The following CCDC181 variants were observed in gnomAD, a reference collection of about 807,000 sequenced individuals.
CCDC181 encodes the protein coiled-coil domain containing 181.
Under a neutral mutation model 58.7 loss-of-function variants are expected in CCDC181, and 35 were observed. The ratio of observed to expected loss-of-function variants is 0.60; its 90% CI spans 0.46 to 0.79. The LOEUF is 0.79. Among genes scored for constraint, CCDC181 ranks in the 30% least tolerant of loss-of-function variants. CCDC181 has a pLI of 0.00. For missense variants in CCDC181, 517 were observed against 583.9 expected (o/e 0.89, Z 1.18); for synonymous variants, 183 against 197.5 (o/e 0.93, Z 0.62).
chr1:169,456,757 C>T (rs1033975007), intron 2 of CCDC181, among the ~76,000 whole-genome samples: 1 of 152,096 alleles, frequency 6.6e-6, no homozygotes, highest in African/African-American at 2.4e-5. Flanking sequence ...GACTTCCCAG[C>T]CTCCAGAATG....
chr1:169,397,255 C>A lies in CCDC181; in HGVS notation c.1352G>T (p.Arg451Leu). 1.9e-6 allele frequency: 3 copies of A among 1,601,754 alleles called. No homozygotes were observed. The highest frequency in any genetic ancestry group is 2.6e-6 in the Non-Finnish European group (3 of 1,175,078). ...CLFFLKGTEG[R>L]ERAFKQWLRR... ...AACTTACTGTTTAAAGGCCCTTTCCCGGCCTTCTGTTCCTTTAAGGAAGAA... is the reference window on the plus strand; with the variant it reads ...AACTTACTGTTTAAAGGCCCTTTCCAGGCCTTCTGTTCCTTTAAGGAAGAA... The change falls in exon 5 of 6, where the codon CGG becomes CTG. Residue 451 changes from arginine to leucine, a missense_variant. Transcript: ENST00000367806.
At chr1:169,416,395 G>T (rs1656216745) in intron 4 of CCDC181, among the ~76,000 whole-genome samples, 1 of 152,208 alleles carries the variant, frequency 6.6e-6, no homozygotes, top group African/African-American at 2.4e-5. Flanking sequence ...TCCGATAGGA[G>T]CCTCTGAGCC....
chr1:169,459,667 T>A (rs1030655232), intron 2 of CCDC181: 1 of 152,134 alleles, frequency 6.6e-6, no homozygotes, highest in Non-Finnish European at 1.5e-5. Context: ...TATTGTTGGT[T>A]ACTTGGATAA....
At chr1:169,427,028 G>T (rs1317460822) in intron 1 of CCDC181, among the ~76,000 whole-genome samples, 1 of 152,070 alleles carries the variant, frequency 6.6e-6, no homozygotes, top group Non-Finnish European at 1.5e-5. Flanking sequence ...AGAGGGGAAA[G>T]AATATGACAA....
chr1:169,394,995 C>T lies in CCDC181; in HGVS notation c.*52G>A. 1 of 1,481,674 alleles carries T rather than the reference C, an allele frequency of 6.7e-7. No individual in the cohort carries two copies. Among genetic ancestry groups the T allele is most frequent in the Non-Finnish European group, 9.1e-7 (1 of 1,097,828 alleles). 91.8% of individuals were successfully genotyped at this position (1,481,674 alleles called of 1,614,324 possible). On this transcript the variant is annotated 3_prime_UTR_variant, in exon 6 of 6. Coordinates refer to ENST00000367806, the MANE Select transcript of CCDC181 (RefSeq NM_001300969.2). ...CCAAAGTACACAGACCCTAAGAAATCATATCCAAAATTTTGATAGCAGCTG... is the reference window on the plus strand; with the variant it reads ...CCAAAGTACACAGACCCTAAGAAATTATATCCAAAATTTTGATAGCAGCTG...
intron 2 of CCDC181, among the ~76,000 whole-genome samples, chr1:169,432,490 CA>C (rs1222450217): frequency 6.6e-6 from 1 of 152,028 alleles, no homozygotes; most frequent in African/African-American, 2.4e-5. Context: ...CACAGAAGCT[CA>C]ATGTACTCCA....
chr1:169,403,267 A>C (rs1029923019), intron 4 of CCDC181, among the ~76,000 whole-genome samples: 8 of 152,208 alleles, frequency 5.3e-5, no homozygotes, highest in African/African-American at 1.9e-4. Flanking sequence ...ACAGAAAATT[A>C]ACAAGGATAT....
intron 2 of CCDC181, among the ~76,000 whole-genome samples, chr1:169,440,576 T>C (rs2101747518): frequency 6.6e-6 from 1 of 152,312 alleles, no homozygotes; most frequent in East Asian, 1.9e-4. Flanking sequence ...AGGCATCAAC[T>C]AGTTAACTCC....
chr1:169,450,992 G>T (rs970990803), intron 2 of CCDC181: 2 of 152,084 alleles, frequency 1.3e-5, no homozygotes, highest in Admixed American at 6.6e-5. Context: ...TAAAATGTTT[G>T]CAGAATACAT....
At chr1:169,404,951 T>C (rs1008578198) in intron 4 of CCDC181, among the ~76,000 whole-genome samples, 4 of 152,340 alleles carry the variant, frequency 2.6e-5, no homozygotes, top group African/African-American at 9.6e-5. Flanking sequence ...GATAAGCAAC[T>C]TCAGCAAAAT....
intron 4 of CCDC181, among the ~76,000 whole-genome samples, chr1:169,402,320 T>A (rs1001113449): frequency 6.6e-6 from 1 of 151,982 alleles, no homozygotes; most frequent in African/African-American, 2.4e-5. Context: ...ACAAAGATAC[T>A]CCTCAAGAAG....
At chr1:169,412,134 C>A (rs1180006991) in intron 4 of CCDC181, among the ~76,000 whole-genome samples, 2 of 152,136 alleles carry the variant, frequency 1.3e-5, no homozygotes, top group Non-Finnish European at 2.9e-5. Context: ...AAAACCCCAT[C>A]ATCTTAGCCC....
At chr1:169,404,809 G>C (rs574912472) in intron 4 of CCDC181, among the ~76,000 whole-genome samples, 2 of 152,146 alleles carry the variant, frequency 1.3e-5, no homozygotes, top group South Asian at 2.1e-4. Context: ...GTTCTGGACA[G>C]GGCAATCAGG....
At chr1:169,419,804 C>T (rs1219577758) in intron 3 of CCDC181, among the ~76,000 whole-genome samples, 2 of 152,072 alleles carry the variant, frequency 1.3e-5, no homozygotes, top group African/African-American at 4.8e-5. Context: ...AGCTATCAGC[C>T]AAAGCACTGA....
At chr1:169,397,481 C>A in intron 4 of CCDC181, 90 bp from the exon 5 acceptor site, 1 of 1,174,874 alleles carries the variant, frequency 8.5e-7, no homozygotes, top group Non-Finnish European at 1.2e-6. Context: ...AATATATTTC[C>A]TACTCTTCAA....
exon 1 of CCDC181, chr1:169,460,440 G>A (rs1657812461): frequency 6.6e-6 from 1 of 152,310 alleles, no homozygotes; most frequent in Admixed American, 6.5e-5. Flanking sequence ...ACCATCCGAG[G>A]GGAGTGAGCC....
At chr1:169,443,377 T>G (rs1183584402) in intron 2 of CCDC181, 1 of 152,070 alleles carries the variant, frequency 6.6e-6, no homozygotes, top group Non-Finnish European at 1.5e-5. Flanking sequence ...GTTTTCTCAG[T>G]ATGTGATTAG....
intron 4 of CCDC181, among the ~76,000 whole-genome samples, chr1:169,406,444 A>G (rs1175248637): frequency 6.6e-6 from 1 of 152,248 alleles, no homozygotes; most frequent in Non-Finnish European, 1.5e-5. Context: ...TTGCACATAT[A>G]CACCATGGAA....
At chr1:169,422,491 T>C (rs10489187) in intron 2 of CCDC181, among the ~76,000 whole-genome samples, 178 bp from the exon 3 acceptor site, 14,257 of 152,154 alleles carry the variant, frequency 0.094, 850 homozygotes, top group Admixed American at 0.13. Flanking sequence ...AGGGAAATAA[T>C]GTGACAGCAA....
Sources: allele counts gnomAD v4.1 joint callset (sites outside exome capture counted in the v4.1 genomes callset), GRCh38; gene constraint gnomAD v4.1.1; transcripts MANE v1.5; gene names NCBI Gene and HGNC (gene_info 2026-07-23, HGNC 2026-07-21).